Variants in FHIT observed in about 807,000 individuals in gnomAD.
The protein encoded by FHIT is fragile histidine triad diadenosine triphosphatase.
FHIT carries 19 observed loss-of-function variants against 17.9 expected under a neutral mutation model. That is an observed-to-expected ratio of 1.06 (90% confidence interval 0.74 to 1.56). The LOEUF is 1.56. Ranked by LOEUF, FHIT falls within the 40% of genes most tolerant of loss-of-function variation. The probability of loss-of-function intolerance (pLI) is 0.00; values close to 1 mark genes in which losing one functional copy is unlikely to be tolerated. For synonymous variants in FHIT, 81 were observed against 69.7 expected, an observed-to-expected ratio of 1.16 and a Z score of -0.81; for missense variants, 248 against 189.2, an observed-to-expected ratio of 1.31 and a Z score of -1.82.
At chr3:59,927,030 CA>C (rs1705694706) in intron 7 of FHIT, among the ~76,000 whole-genome samples, 1 of 152,050 alleles carries the variant, frequency 6.6e-6, no homozygotes, top group Non-Finnish European at 1.5e-5. Flanking sequence ...CAAATGTTTA[CA>C]GCAACATTAT....
At chr3:60,232,251 T>C (rs906600787) in intron 5 of FHIT, among the ~76,000 whole-genome samples, 1 of 152,104 alleles carries the variant, frequency 6.6e-6, no homozygotes, top group Admixed American at 6.6e-5. Flanking sequence ...GTGATGGAGG[T>C]GTTTTTGGAC....
intron 5 of FHIT, among the ~76,000 whole-genome samples, chr3:60,145,487 T>A (rs1559674317): frequency 2.0e-5 from 3 of 152,264 alleles, no homozygotes; most frequent in East Asian, 3.9e-4. Flanking sequence ...CCAATTTAGT[T>A]CAGATGACTA....
chr3:60,932,423 C>T (rs566249756), intron 3 of FHIT, among the ~76,000 whole-genome samples: 2 of 152,116 alleles, frequency 1.3e-5, no homozygotes, highest in Non-Finnish European at 2.9e-5. Flanking sequence ...ACTCATCTCC[C>T]GTGCCCTTTG....
chr3:60,086,149 T>C (rs764065843), intron 5 of FHIT, among the ~76,000 whole-genome samples: 50 of 151,520 alleles, frequency 3.3e-4, no homozygotes, highest in Admixed American at 1.8e-3. Context: ...AGAGAGAGAG[T>C]AAAAGGGTGG....
intron 3 of FHIT, among the ~76,000 whole-genome samples, chr3:60,854,699 G>A (rs1553749409): frequency 1.3e-5 from 2 of 151,984 alleles, no homozygotes; most frequent in Non-Finnish European, 2.9e-5. Flanking sequence ...TGCCAGCCAA[G>A]TCAGTCTCTT....
At chr3:61,187,150 A>T (rs1008151469) in intron 2 of FHIT, among the ~76,000 whole-genome samples, 3 of 152,194 alleles carry the variant, frequency 2.0e-5, no homozygotes, top group African/African-American at 7.2e-5. Context: ...GTGCATATTC[A>T]TTCACTCAAT....
intron 1 of FHIT, among the ~76,000 whole-genome samples, chr3:61,235,440 T>G (rs188456312): frequency 2.6e-4 from 40 of 152,048 alleles, no homozygotes; most frequent in Admixed American, 5.9e-4. Flanking sequence ...AAAAAAAAAG[T>G]AAGGTCTCTT....
intron 3 of FHIT, among the ~76,000 whole-genome samples, chr3:60,952,101 G>C (rs1471835962): frequency 6.6e-6 from 1 of 151,860 alleles, no homozygotes; most frequent in Admixed American, 6.6e-5. Flanking sequence ...GGGAGGCAGA[G>C]GTTGGTGAGC....
At chr3:60,226,806 A>C (rs1028532001) in intron 5 of FHIT, among the ~76,000 whole-genome samples, 4 of 152,172 alleles carry the variant, frequency 2.6e-5, no homozygotes, top group Non-Finnish European at 5.9e-5. Context: ...TGGAGCACGC[A>C]TCTATCTGTG....
intron 5 of FHIT, among the ~76,000 whole-genome samples, chr3:60,525,886 T>C (rs2035554706): frequency 6.6e-6 from 1 of 152,030 alleles, no homozygotes; most frequent in South Asian, 2.1e-4. Context: ...GTAGATTGCT[T>C]GAGCTCAGGA....
At chr3:60,400,277 ACAGAGGAG>A (rs2107186745) in intron 5 of FHIT, among the ~76,000 whole-genome samples, 1 of 152,236 alleles carries the variant, frequency 6.6e-6, no homozygotes, top group South Asian at 2.1e-4. Context: ...GACATGGAGA[ACAGAGGAG>A]GTGAAAGAAG....
chr3:61,222,132 C>T (rs2039855845), intron 1 of FHIT, among the ~76,000 whole-genome samples: 1 of 152,322 alleles, frequency 6.6e-6, no homozygotes, highest in Middle Eastern at 3.4e-3. Context: ...CCTTCCCTCT[C>T]ATTTTTAATC....
At chr3:60,723,987 TAG>T (rs2041863679) in intron 4 of FHIT, among the ~76,000 whole-genome samples, 2 of 152,240 alleles carry the variant, frequency 1.3e-5, no homozygotes, top group South Asian at 4.1e-4. Flanking sequence ...AACAGCTTTT[TAG>T]AGATATAATT....
At chr3:61,013,898 T>C (rs532277810) in intron 3 of FHIT, among the ~76,000 whole-genome samples, 25 of 152,200 alleles carry the variant, frequency 1.6e-4, no homozygotes, top group Non-Finnish European at 3.2e-4. Flanking sequence ...GGGAAAAATA[T>C]ATTTCCCAGT....
At chr3:59,907,856 CT>C (rs1278745760) in intron 8 of FHIT, among the ~76,000 whole-genome samples, 1 of 152,192 alleles carries the variant, frequency 6.6e-6, no homozygotes, top group Admixed American at 6.5e-5. Context: ...GGCTCTTTGC[CT>C]TTTCCAGCTT....
intron 5 of FHIT, among the ~76,000 whole-genome samples, chr3:60,384,345 G>A (rs577241010): frequency 1.3e-5 from 2 of 151,814 alleles, no homozygotes; most frequent in South Asian, 2.1e-4. Context: ...AATATCTTAA[G>A]TTTCACAACA....
intron 3 of FHIT, among the ~76,000 whole-genome samples, chr3:60,881,599 G>T (rs1329505769): frequency 6.6e-6 from 1 of 152,014 alleles, no homozygotes; most frequent in African/African-American, 2.4e-5. Flanking sequence ...GAACACAATG[G>T]AATAAAACTA....
At chr3:60,244,725 G>A (rs2107579667) in intron 5 of FHIT, among the ~76,000 whole-genome samples, 1 of 152,180 alleles carries the variant, frequency 6.6e-6, no homozygotes, top group African/African-American at 2.4e-5. Context: ...ATGAGACAGA[G>A]ACTACAAACA....
chr3:60,612,993 G>GATT (rs1553674256), intron 4 of FHIT, among the ~76,000 whole-genome samples: 2 of 152,110 alleles, frequency 1.3e-5, no homozygotes, highest in African/African-American at 4.8e-5. Flanking sequence ...CCATTTAGAG[G>GATT]ATTAACAGCC....
Sources: gnomAD v4.1 joint callset for allele counts (sites outside exome capture counted in the v4.1 genomes callset) on GRCh38, gnomAD v4.1.1 for gene constraint, MANE v1.5 for transcripts, NCBI Gene and HGNC (gene_info 2026-07-23, HGNC 2026-07-21) for gene names.